ABI2: variants seen among roughly 807,000 people sequenced by gnomAD.
ABI2 encodes abelson interactor 2.
Under a neutral mutation model 59.2 loss-of-function variants are expected in ABI2, and 25 were observed. The ratio of observed to expected loss-of-function variants is 0.42; its 90% CI spans 0.31 to 0.59. The LOEUF (loss-of-function observed/expected upper bound fraction) is 0.59. Among genes scored for constraint, ABI2 ranks in the 20% least tolerant of loss-of-function variants. The probability of loss-of-function intolerance (pLI) is 0.14; values close to 1 mark genes in which losing one functional copy is unlikely to be tolerated. For synonymous variants in ABI2, 213 were observed against 235.5 expected (o/e 0.90, Z 0.87); for missense variants, 545 against 681.8 (o/e 0.80, Z 2.23).
chr2:203,344,519 C>A (rs1255614852), intron 1 of ABI2, among the ~76,000 whole-genome samples: 1 of 151,580 alleles, frequency 6.6e-6, no homozygotes, highest in East Asian at 1.9e-4. Flanking sequence ...GCAACTGCCG[C>A]CACACCCGGC....
chr2:203,414,607 T>G (rs2097818423), intron 10 of ABI2, among the ~76,000 whole-genome samples: 1 of 152,270 alleles, frequency 6.6e-6, no homozygotes, highest in South Asian at 2.1e-4. Flanking sequence ...TGGTCGTTCA[T>G]GTCTTCATGA....
chr2:203,344,568 T>TTTTTTTG (rs1553537904), intron 1 of ABI2, among the ~76,000 whole-genome samples: 1 of 12,582 alleles, frequency 7.9e-5, no homozygotes, highest in Non-Finnish European at 6.3e-4. Context: ...GTTGTTTTTG[T>TTTTTTTG]TTTTTTTTTT....
intron 1 of ABI2, among the ~76,000 whole-genome samples, chr2:203,337,867 C>T (rs1255803124): frequency 6.6e-6 from 1 of 152,130 alleles, no homozygotes; most frequent in Non-Finnish European, 1.5e-5. Flanking sequence ...CTCATCTCTA[C>T]TAAAAATACA....
intron 1 of ABI2, among the ~76,000 whole-genome samples, chr2:203,359,681 T>C (rs2152885462): frequency 6.6e-6 from 1 of 152,218 alleles, no homozygotes; most frequent in South Asian, 2.1e-4. Flanking sequence ...TCATAAATGG[T>C]GCCTTCTGTG....
chr2:203,356,842 T>C (rs1209073209), intron 1 of ABI2, among the ~76,000 whole-genome samples: 1 of 88,248 alleles, frequency 1.1e-5, no homozygotes, highest in Non-Finnish European at 2.8e-5. Flanking sequence ...TTTTTGGTTT[T>C]ACACAATTTT....
chr2:203,358,796 A>C (rs2092846941), intron 1 of ABI2, among the ~76,000 whole-genome samples: 1 of 152,152 alleles, frequency 6.6e-6, no homozygotes, highest in Non-Finnish European at 1.5e-5. Flanking sequence ...GATCACTTAA[A>C]TCCATGAGTT....
chr2:203,339,022 A>G (rs1172390658), intron 1 of ABI2, among the ~76,000 whole-genome samples: 5 of 125,694 alleles, frequency 4.0e-5, no homozygotes, highest in African/African-American at 9.7e-5. Context: ...GATTCATACA[A>G]CTTAATAGCA....
intron 2 of ABI2, among the ~76,000 whole-genome samples, chr2:203,368,009 A>G (rs1339851292): frequency 1.3e-5 from 2 of 152,144 alleles, no homozygotes; most frequent in Admixed American, 1.3e-4. Context: ...GTCTCCAAAA[A>G]AAAATAAAAA....
Position 203,348,355 on chromosome 2 carries a change from A to G in ABI2, c.118-18522A>G, listed in dbSNP as rs148147605. Among the ~76,000 whole-genome samples the G allele has an allele frequency of 6.6e-4, 101 of 152,338 alleles. 1 individual carries two copies. Among genetic ancestry groups the G allele is most frequent in the Middle Eastern group, 3.4e-3 (1 of 294 alleles). The stretch of plus-strand genomic sequence containing the variant: ...CACATTAAACATGAAGAGTTTTTCA[A>G]AACTCAGTGATCATTCTAATTGGTA... On this transcript the variant is annotated intron_variant, in intron 1 of 11. Coordinates refer to ENST00000261018, the MANE Select transcript of ABI2 (RefSeq NM_001375670.1).
chr2:203,397,315 C>T (rs2097043247), intron 8 of ABI2, among the ~76,000 whole-genome samples: 1 of 152,028 alleles, frequency 6.6e-6, no homozygotes, highest in African/African-American at 2.4e-5. Flanking sequence ...TAACAAAAGT[C>T]TATTACAATA....
At chr2:203,337,727 C>T (rs762541828) in intron 1 of ABI2, among the ~76,000 whole-genome samples, 1 of 152,156 alleles carries the variant, frequency 6.6e-6, no homozygotes, top group Non-Finnish European at 1.5e-5. Context: ...TTCCTGATTT[C>T]AAACTATATT....
At chr2:203,413,473 A>G (rs190446606) in intron 10 of ABI2, among the ~76,000 whole-genome samples, 13 of 152,364 alleles carry the variant, frequency 8.5e-5, no homozygotes, top group Non-Finnish European at 1.5e-5. Flanking sequence ...ACATTATTAT[A>G]GCAGCACTAC....
chr2:203,374,856 G>A (rs1314311944), intron 2 of ABI2: 2 of 456,204 alleles, frequency 4.4e-6, no homozygotes, highest in Non-Finnish European at 4.4e-6. Context: ...AACTGAGGTA[G>A]TGCTATCCAG....
intron 9 of ABI2, among the ~76,000 whole-genome samples, chr2:203,404,908 A>G (rs1354018619): frequency 2.6e-5 from 4 of 152,194 alleles, no homozygotes; most frequent in Non-Finnish European, 4.4e-5. Flanking sequence ...AAATAGTCCT[A>G]TGAGAACTCT....
chr2:203,373,328 C>T (rs530834601), intron 2 of ABI2, among the ~76,000 whole-genome samples: 143 of 152,190 alleles, frequency 9.4e-4, no homozygotes, highest in African/African-American at 3.1e-3. Flanking sequence ...TCAGGCGTGG[C>T]GGCGCGCGCC....
At chr2:203,424,988 T>G (rs2098379867) in intron 11 of ABI2, among the ~76,000 whole-genome samples, 1 of 151,882 alleles carries the variant, frequency 6.6e-6, no homozygotes, top group Non-Finnish European at 1.5e-5. Flanking sequence ...TTCTCCCAAG[T>G]AGCTGGGACC....
At chr2:203,350,862 T>TTGTGTGTGTG (rs200198424) in intron 1 of ABI2, among the ~76,000 whole-genome samples, 11 of 137,918 alleles carry the variant, frequency 8.0e-5, no homozygotes, top group African/African-American at 2.6e-4. Context: ...GTTGTGTGTT[T>TTGTGTGTGTG]TGTGTGTGTG....
At chr2:203,375,715 GTTTA>G (rs2095635879) in intron 2 of ABI2, among the ~76,000 whole-genome samples, 1 of 152,158 alleles carries the variant, frequency 6.6e-6, no homozygotes, top group South Asian at 2.1e-4. Context: ...AGGAGGGAGT[GTTTA>G]TTATTCTATC....
chr2:203,362,679 A>G (rs1243552432), intron 1 of ABI2, among the ~76,000 whole-genome samples: 1 of 151,876 alleles, frequency 6.6e-6, no homozygotes, highest in East Asian at 1.9e-4. Flanking sequence ...GGTGTGGGCC[A>G]CCGTGCCTGG....
Sources: gnomAD v4.1 joint callset for allele counts (sites outside exome capture counted in the v4.1 genomes callset) on GRCh38, gnomAD v4.1.1 for gene constraint, MANE v1.5 for transcripts, NCBI Gene and HGNC (gene_info 2026-07-23, HGNC 2026-07-21) for gene names.